The following SFI1 variants were observed in gnomAD, a reference collection of about 807,000 sequenced individuals.
The protein encoded by SFI1 is protein SFI1 homolog.
In SFI1, 195 loss-of-function variants were observed where a neutral mutation model predicts 207.5. The observed-to-expected ratio is 0.94, with a 90% CI of 0.84 to 1.06. SFI1 has a LOEUF of 1.06. SFI1 is among the 50% of genes least tolerant of loss of function. SFI1 has a pLI of 0.00. For synonymous variants in SFI1, 630 were observed against 598.9 expected (o/e 1.05, Z -0.76); for missense variants, 1,634 against 1,588.0 (o/e 1.03, Z -0.49).
chr22:31,552,262 T>C (rs1273455270), intron 6 of SFI1, among the ~76,000 whole-genome samples: 3 of 152,296 alleles, frequency 2.0e-5, no homozygotes, highest in Admixed American at 6.5e-5. Flanking sequence ...TTCTTTCTTT[T>C]TTTTTTATTT....
At chr22:31,566,882 C>T (rs1474866067) in intron 8 of SFI1, among the ~76,000 whole-genome samples, 3 of 152,074 alleles carry the variant, frequency 2.0e-5, no homozygotes, top group Non-Finnish European at 2.9e-5. Context: ...AGCAACTTGT[C>T]AAGTTCTATA....
chr22:31,606,063 CCT>C (rs369365904), intron 20 of SFI1: 5,266 of 430,588 alleles, frequency 0.012, 39 homozygotes, highest in Middle Eastern at 0.016. Context: ...CTGGTTATGC[CCT>C]GTTATCCCCG....
At chr22:31,499,787 G>C (rs929558507) in intron 1 of SFI1, among the ~76,000 whole-genome samples, 2 of 151,160 alleles carry the variant, frequency 1.3e-5, no homozygotes, top group Non-Finnish European at 3.0e-5. Flanking sequence ...TCAGGAGTTC[G>C]AGACCAGTCT....
At chr22:31,514,775 CT>C (rs1219405122) in intron 2 of SFI1, among the ~76,000 whole-genome samples, 185 of 140,996 alleles carry the variant, frequency 1.3e-3, no homozygotes, top group East Asian at 2.8e-3. Context: ...GAATTTCTTC[CT>C]TTTTTTTTTT....
chr22:31,582,267 T>TTG (rs56150362), intron 12 of SFI1, among the ~76,000 whole-genome samples: 1 of 111,806 alleles, frequency 8.9e-6, no homozygotes, highest in Non-Finnish European at 1.8e-5. Flanking sequence ...TTTTTTTTTT[T>TTG]GAAACCGGGT....
intron 8 of SFI1, among the ~76,000 whole-genome samples, 200 bp downstream of exon 8, chr22:31,561,592 C>G (rs543945365): frequency 1.3e-5 from 2 of 152,304 alleles, no homozygotes; most frequent in South Asian, 4.1e-4. Context: ...GAGCCTAGAT[C>G]AGTGGCTTCC....
chr22:31,559,454 G>A, intron 7 of SFI1: 1 of 434,008 alleles, frequency 2.3e-6, no homozygotes. Context: ...TCCGCGGGAG[G>A]CCTACACACC....
intron 7 of SFI1, chr22:31,559,608 T>C (rs952281928): frequency 1.2e-5 from 8 of 680,382 alleles, no homozygotes; most frequent in African/African-American, 1.8e-5. Context: ...AGTACACTCA[T>C]AGTGTTGAGG....
chr22:31,556,059 A>G (rs5753691), intron 6 of SFI1, among the ~76,000 whole-genome samples: 37,627 of 151,988 alleles, frequency 0.25, 4,865 homozygotes, highest in East Asian at 0.41. Flanking sequence ...CCACAAAGGG[A>G]GACCTGTGGG....
Position 31,580,289 on chromosome 22 carries a change from C to T in SFI1, c.1173C>T (p.Ala391=). 1 of 1,613,786 alleles carries T rather than the reference C, an allele frequency of 6.2e-7. No homozygotes were observed. Among genetic ancestry groups the T allele is most frequent in the East Asian group, 2.2e-5 (1 of 44,876 alleles). Residue 391 remains alanine (A), a synonymous_variant, in exon 12 of 33, where the codon GCC becomes GCT. Coordinates refer to ENST00000400288, the MANE Select transcript of SFI1 (RefSeq NM_001007467.3). The part of the protein sequence containing the change: ...RHSQLYFCFR[A]LKDNVTHAHL... ...TTGCACAGTATTTTTGCTTTAGAGCCCTAAAAGACAATGTGACCCACGCTC... is the reference window on the plus strand; with the variant it reads ...TTGCACAGTATTTTTGCTTTAGAGCTCTAAAAGACAATGTGACCCACGCTC...
At position 31,611,136 on chromosome 22, in the gene SFI1, G is replaced by A. The variant is rs1455980093; in HGVS notation, c.2255-7G>A. 1.9e-6 allele frequency: 3 copies of A among 1,614,180 alleles called. No homozygotes were observed. The highest frequency in any genetic ancestry group is 3.3e-5 in the Admixed American group (2 of 60,022). ...AAACAGCAAACTCTGACTTGGATCTGCCTTAGGCTGTCTGCGGACCTGGTT... is the reference window on the plus strand; with the variant it reads ...AAACAGCAAACTCTGACTTGGATCTACCTTAGGCTGTCTGCGGACCTGGTT... On this transcript the variant is annotated splice_polypyrimidine_tract_variant and splice_region_variant and intron_variant, in intron 22 of 32. Transcript: ENST00000400288.
chr22:31,578,398 A>C lies in SFI1; in HGVS notation c.1101A>C (p.Ala367=). The stretch of plus-strand genomic sequence containing the variant: ...TCCTGGCAGACATGCTGCTGTGTGC[A>C]GAAGAAGCTGCCCAGTTTGAGATGG... ...THWKHYMLLC[A]EEAAQFEMAE... The change falls in exon 11 of 33, where the codon GCA becomes GCC. Residue 367 remains alanine, a synonymous_variant. Transcript: ENST00000400288. 6.2e-7 allele frequency: 1 copy of C among 1,613,814 alleles called. No individual in the cohort carries two copies. Among genetic ancestry groups the C allele is most frequent in the Non-Finnish European group, 8.5e-7 (1 of 1,179,768 alleles).
intron 9 of SFI1, 141 bp downstream of exon 9, chr22:31,573,355 C>A: frequency 2.9e-6 from 2 of 694,178 alleles, no homozygotes; most frequent in South Asian, 2.7e-5. Context: ...GAGGAAAATA[C>A]ATCATCCTTG....
At chr22:31,508,875 C>T (rs1477880528) in intron 2 of SFI1, among the ~76,000 whole-genome samples, 1 of 152,130 alleles carries the variant, frequency 6.6e-6, no homozygotes, top group East Asian at 1.9e-4. Flanking sequence ...GCTTCAGGTT[C>T]CTGCACTGTT....
intron 31 of SFI1, 79 bp downstream of exon 31, chr22:31,617,157 C>T: frequency 6.7e-7 from 1 of 1,503,454 alleles, no homozygotes; most frequent in Non-Finnish European, 9.2e-7. Context: ...AGTTCCATTT[C>T]CCCCGAGCCA....
At chr22:31,542,964 ATTTTTTTTTTC>A (rs2059707518) in intron 4 of SFI1, among the ~76,000 whole-genome samples, 2 of 121,344 alleles carry the variant, frequency 1.6e-5, no homozygotes, top group Non-Finnish European at 3.5e-5. Context: ...GCCTGACTTA[ATTTTTTTTTTC>A]TTTTTTTTTT....
At chr22:31,522,423 C>A (rs893605364) in intron 2 of SFI1, among the ~76,000 whole-genome samples, 1 of 152,158 alleles carries the variant, frequency 6.6e-6, no homozygotes, top group African/African-American at 2.4e-5. Context: ...GTAACCATCA[C>A]CACTATCCAT....
chr22:31,579,515 C>T (rs1231221557), intron 11 of SFI1, among the ~76,000 whole-genome samples: 1 of 152,108 alleles, frequency 6.6e-6, no homozygotes, highest in African/African-American at 2.4e-5. Context: ...CGGGGTTTCA[C>T]CATGTTAGCC....
At chr22:31,608,636 C>T (rs1207661356) in intron 22 of SFI1, among the ~76,000 whole-genome samples, 5 of 138,576 alleles carry the variant, frequency 3.6e-5, no homozygotes, top group Admixed American at 3.6e-4. Context: ...AGCTTGAGAT[C>T]TACAGAGAAA....
Sources: gnomAD v4.1 joint callset for allele counts (sites outside exome capture counted in the v4.1 genomes callset) on GRCh38, gnomAD v4.1.1 for gene constraint, MANE v1.5 for transcripts, NCBI Gene and HGNC (gene_info 2026-07-23, HGNC 2026-07-21) for gene names.